Variants in CFDP1 observed in about 807,000 individuals in gnomAD.
CFDP1 encodes chromatin remodeling protein CFDP1, also known as heterochromatin-stabilizing protein CFDP1.
CFDP1 carries 31 observed loss-of-function variants against 40.1 expected under a neutral mutation model. The ratio of observed to expected loss-of-function variants is 0.77; its 90% CI spans 0.58 to 1.04. The LOEUF is 1.04. Among genes scored for constraint, CFDP1 ranks in the 50% least tolerant of loss-of-function variants. The probability of loss-of-function intolerance (pLI) is 0.00; values close to 1 mark genes in which losing one functional copy is unlikely to be tolerated. For missense variants in CFDP1, 423 were observed against 343.4 expected (o/e 1.23, Z -1.83); for synonymous variants, 167 against 120.0 (o/e 1.39, Z -2.56).
chr16:75,304,014 A>C (rs1308003519), intron 6 of CFDP1, among the ~76,000 whole-genome samples: 1 of 152,026 alleles, frequency 6.6e-6, no homozygotes, highest in Non-Finnish European at 1.5e-5. Context: ...GTGCCTTCTG[A>C]GGTCCGTAAG....
chr16:75,370,873 AAG>A (rs1203454435), intron 5 of CFDP1, among the ~76,000 whole-genome samples: 20 of 152,232 alleles, frequency 1.3e-4, no homozygotes, highest in Admixed American at 1.3e-3. Flanking sequence ...AATTTAAAAA[AAG>A]AATTAAAAAA....
intron 5 of CFDP1, among the ~76,000 whole-genome samples, chr16:75,315,244 T>G: frequency 1.4e-5 from 2 of 141,438 alleles, no homozygotes. Context: ...AGGTGGGAGG[T>G]TTGCTTGAGA....
intron 5 of CFDP1, among the ~76,000 whole-genome samples, chr16:75,389,006 T>G (rs1323527635): frequency 6.6e-6 from 1 of 152,138 alleles, no homozygotes; most frequent in Non-Finnish European, 1.5e-5. Flanking sequence ...TAAGTTATAT[T>G]GCTTTAGGTC....
intron 5 of CFDP1, 185 bp from the exon 6 acceptor site, chr16:75,305,367 C>T (rs1224759421): frequency 8.4e-6 from 5 of 598,734 alleles, no homozygotes; most frequent in Non-Finnish European, 2.9e-6. Flanking sequence ...TTCTAATGTG[C>T]TTTTCCTGCT....
chr16:75,331,149 A>T (rs1454312594), intron 5 of CFDP1, among the ~76,000 whole-genome samples: 2 of 152,184 alleles, frequency 1.3e-5, no homozygotes, highest in African/African-American at 2.4e-5. Flanking sequence ...CCACATCAGA[A>T]TTCGTGCAAT....
intron 5 of CFDP1, among the ~76,000 whole-genome samples, chr16:75,380,724 C>G (rs1205214830): frequency 1.3e-5 from 2 of 152,140 alleles, no homozygotes; most frequent in African/African-American, 4.8e-5. Flanking sequence ...ATTATAATAT[C>G]TGAATGTTCC....
chr16:75,372,343 A>C (rs936461468), intron 5 of CFDP1: 1 of 152,186 alleles, frequency 6.6e-6, no homozygotes, highest in African/African-American at 2.4e-5. Flanking sequence ...TGAATAACTC[A>C]ACAATGGGCA....
intron 5 of CFDP1, among the ~76,000 whole-genome samples, chr16:75,357,738 C>A (rs1258554580): frequency 6.6e-6 from 1 of 152,190 alleles, no homozygotes; most frequent in Admixed American, 6.5e-5. Context: ...TTCAAGCTGT[C>A]TTCAGATCAG....
intron 4 of CFDP1, among the ~76,000 whole-genome samples, chr16:75,404,715 A>G (rs984124978): frequency 6.6e-6 from 1 of 152,080 alleles, no homozygotes; most frequent in African/African-American, 2.4e-5. Flanking sequence ...AAAAAAAAAA[A>G]GCTTAAAACC....
intron 5 of CFDP1, among the ~76,000 whole-genome samples, chr16:75,326,154 T>C (rs1160827674): frequency 1.3e-5 from 2 of 152,224 alleles, no homozygotes; most frequent in African/African-American, 2.4e-5. Context: ...TGAAGCTCTA[T>C]AACAACCAAG....
At chr16:75,362,715 T>C (rs1314712942) in intron 5 of CFDP1, among the ~76,000 whole-genome samples, 1 of 152,170 alleles carries the variant, frequency 6.6e-6, no homozygotes, top group Non-Finnish European at 1.5e-5. Flanking sequence ...GGAAAAGAAT[T>C]GCTTTTCAAT....
At chr16:75,316,004 A>G (rs78846418) in intron 5 of CFDP1, among the ~76,000 whole-genome samples, 2,372 of 152,188 alleles carry the variant, frequency 0.016, 59 homozygotes, top group African/African-American at 0.053. Flanking sequence ...TTTGGTCTTC[A>G]GTGTCTTGTT....
chr16:75,423,124 CA>C (rs2079298521), intron 1 of CFDP1, among the ~76,000 whole-genome samples: 1 of 151,584 alleles, frequency 6.6e-6, no homozygotes, highest in Non-Finnish European at 1.5e-5. Flanking sequence ...ACTAAAAATA[CA>C]AAAAAATTAG....
At chr16:75,370,362 G>A (rs1184451375) in intron 5 of CFDP1, among the ~76,000 whole-genome samples, 1 of 151,850 alleles carries the variant, frequency 6.6e-6, no homozygotes, top group Non-Finnish European at 1.5e-5. Context: ...CAAAGTGCTG[G>A]GATTACCAAC....
chr16:75,407,002 C>A (rs1278011133), intron 4 of CFDP1, among the ~76,000 whole-genome samples: 1 of 152,170 alleles, frequency 6.6e-6, no homozygotes, highest in Non-Finnish European at 1.5e-5. Flanking sequence ...GCTTGGGTGA[C>A]AGAGACTCCA....
intron 1 of CFDP1, among the ~76,000 whole-genome samples, chr16:75,431,116 T>G (rs1329944259): frequency 6.6e-6 from 1 of 151,942 alleles, no homozygotes; most frequent in African/African-American, 2.4e-5. Flanking sequence ...TAACATACGG[T>G]TCAGCTGTCA....
At chr16:75,321,448 C>G (rs1443177330) in intron 5 of CFDP1, among the ~76,000 whole-genome samples, 2 of 152,216 alleles carry the variant, frequency 1.3e-5, no homozygotes, top group African/African-American at 4.8e-5. Context: ...ATTCCCCTCA[C>G]CAGCTCTTGG....
chr16:75,339,141 C>G (rs1434304110), intron 5 of CFDP1, among the ~76,000 whole-genome samples: 1 of 152,064 alleles, frequency 6.6e-6, no homozygotes, highest in Non-Finnish European at 1.5e-5. Flanking sequence ...AACACTGGAA[C>G]TTCTGAAATG....
intron 5 of CFDP1, among the ~76,000 whole-genome samples, chr16:75,377,853 G>C (rs2078815381): frequency 6.6e-6 from 1 of 152,320 alleles, no homozygotes; most frequent in East Asian, 1.9e-4. Flanking sequence ...ATTTCATGCT[G>C]AGTGGCAGAC....
Sources: allele counts gnomAD v4.1 joint callset (sites outside exome capture counted in the v4.1 genomes callset), GRCh38; gene constraint gnomAD v4.1.1; transcripts MANE v1.5; gene names NCBI Gene and HGNC (gene_info 2026-07-23, HGNC 2026-07-21).